DLST: variants seen among roughly 807,000 people sequenced by gnomAD.
The protein encoded by DLST is dihydrolipoyllysine-residue succinyltransferase component of 2-oxoglutarate dehydrogenase complex, mitochondrial.
Under a neutral mutation model 53.1 loss-of-function variants are expected in DLST, and 17 were observed. That is an observed-to-expected ratio of 0.32 (90% CI 0.22 to 0.48). The LOEUF (loss-of-function observed/expected upper bound fraction) is 0.48, where lower values mean the gene tolerates loss of function less well. DLST is among the 20% of genes least tolerant of loss of function. The pLI is 0.99. For synonymous variants in DLST, 206 were observed against 204.8 expected, an observed-to-expected ratio of 1.01 and a Z score of -0.05; for missense variants, 512 against 583.9, an observed-to-expected ratio of 0.88 and a Z score of 1.27.
chr14:74,900,519 T>C (rs1332567088), intron 13 of DLST, 147 bp downstream of exon 13: 5 of 662,018 alleles, frequency 7.6e-6, no homozygotes, highest in Non-Finnish European at 1.3e-5. Context: ...AAGTATTTTA[T>C]ATATCTGGTG....
intron 5 of DLST, 94 bp from the exon 6 acceptor site, chr14:74,889,803 A>C: frequency 2.5e-6 from 3 of 1,208,668 alleles, no homozygotes; most frequent in Non-Finnish European, 1.2e-6. Flanking sequence ...CCTGTAGGAA[A>C]GGGTTCTTAT....
intron 9 of DLST, among the ~76,000 whole-genome samples, 188 bp downstream of exon 9, chr14:74,893,612 C>T (rs1883982505): frequency 6.6e-6 from 1 of 152,200 alleles, no homozygotes; most frequent in South Asian, 2.1e-4. Context: ...AACCTGAGGT[C>T]TTCTGAACAC....
Position 74,893,496 on chromosome 14 carries a change from T to C in DLST, c.672+72T>C, listed in dbSNP as rs1353304308. The C allele has an allele frequency of 2.6e-6, 4 of 1,534,590 alleles. No homozygotes were observed. The African/African-American group carries it at 5.5e-5, about 21-fold the overall frequency. ...TGAGATTAGTGGAGTATGGGTGTGG[T>C]GATGCCTACCTTTGAATGCCTGGCA... On this transcript the variant is annotated intron_variant, in intron 9 of 14. Transcript: ENST00000334220.
At chr14:74,895,013 A>C (rs556538180) in intron 10 of DLST, among the ~76,000 whole-genome samples, 1 of 152,190 alleles carries the variant, frequency 6.6e-6, no homozygotes, top group East Asian at 1.9e-4. Context: ...GGATTGCTTG[A>C]GTCCAGGAGT....
In DLST at chr14:74,881,936, C is replaced by T. The variant is rs1005766540; in HGVS notation, c.-18C>T. On this transcript the variant is annotated 5_prime_UTR_variant, in exon 1 of 15. Transcript: ENST00000334220. ...GCCCTATATCCGGTGTCCGCCCGCC[C>T]TCGGCTCCTCCGCCGTGATGCTGTC... The T allele has an allele frequency of 5.9e-6, 9 of 1,535,626 alleles. No homozygotes were observed. Among genetic ancestry groups the T allele is most frequent in the East Asian group, 2.5e-5 (1 of 39,228 alleles).
intron 2 of DLST, among the ~76,000 whole-genome samples, chr14:74,884,549 A>G (rs1883639098): frequency 6.6e-6 from 1 of 152,204 alleles, no homozygotes; most frequent in African/African-American, 2.4e-5. Flanking sequence ...GAGACTGTAA[A>G]ATCAAAATGA....
intron 3 of DLST, among the ~76,000 whole-genome samples, chr14:74,886,994 G>C (rs758178867): frequency 1.3e-5 from 2 of 152,074 alleles, no homozygotes; most frequent in Non-Finnish European, 2.9e-5. Context: ...GCCCGACTCA[G>C]CCTCCCAAAG....
rs75439827 is a variant in DLST at position 74,896,470 on chromosome 14, A to G, written c.771-1899A>G. The stretch of plus-strand genomic sequence containing the variant: ...GGTTTAGTCTGCGAATCTACTTTTC[A>G]TTAGAGAAATTTGCTTTTCTTTGGA... On this transcript the variant is annotated intron_variant, in intron 10 of 14. Coordinates refer to ENST00000334220, the MANE Select transcript of DLST (RefSeq NM_001933.5). Among the ~76,000 whole-genome samples, 1,076 of 152,276 alleles carry G rather than the reference A, an allele frequency of 7.1e-3. 12 individuals carry two copies. The highest frequency in any genetic ancestry group is 0.023 in the African/African-American group (944 of 41,564).
chr14:74,883,261 C>T (rs1883593207), intron 2 of DLST, among the ~76,000 whole-genome samples: 1 of 149,498 alleles, frequency 6.7e-6, no homozygotes, highest in Non-Finnish European at 1.5e-5. Flanking sequence ...CGCCACTGCA[C>T]TCCAGCCTGG....
Position 74,893,443 on chromosome 14 carries a change from C to G in DLST, c.672+19C>G. The G allele has an allele frequency of 6.2e-7, 1 of 1,614,094 alleles. No individual in the cohort carries two copies. The highest frequency in any genetic ancestry group is 8.5e-7 in the Non-Finnish European group (1 of 1,179,928). ...ACATCGGGTAAGCCTCTGAGGACCA[C>G]TTTCAGGAAAGAGGCAGGGGGCAGT... On this transcript the variant is annotated intron_variant, in intron 9 of 14. Coordinates refer to ENST00000334220, the MANE Select transcript of DLST (RefSeq NM_001933.5).
intron 10 of DLST, among the ~76,000 whole-genome samples, chr14:74,896,788 CAT>C (rs1884088658): frequency 6.6e-6 from 1 of 152,202 alleles, no homozygotes; most frequent in Non-Finnish European, 1.5e-5. Flanking sequence ...TAAGACAAAA[CAT>C]GTAAATATTT....
Position 74,891,846 on chromosome 14 carries a change from G to A in DLST, c.442+679G>A, listed in dbSNP as rs1011234637. The A allele has an allele frequency of 3.0e-6, 3 of 985,304 alleles. No individual in the cohort carries two copies. In the African/African-American group the frequency reaches 5.2e-5, roughly 17 times the overall value. 61.0% of individuals were successfully genotyped at this position (985,304 alleles called of 1,614,324 possible). On this transcript the variant is annotated intron_variant, in intron 7 of 14. Transcript: ENST00000334220. ...AAGGCAGATAGACCGCATGATTGAGGTTAGTCAGGCAAGACCAGAAGCTCA... is the reference window on the plus strand; with the variant it reads ...AAGGCAGATAGACCGCATGATTGAGATTAGTCAGGCAAGACCAGAAGCTCA...
rs533108073 is a variant in DLST, at chr14:74,900,146, G to A, written c.976-143G>A. 1.3e-5 allele frequency: 14 copies of A among 1,075,162 alleles called. No individual in the cohort carries two copies. In the East Asian group the frequency reaches 1.4e-4, roughly 11 times the overall value. 66.6% of individuals were successfully genotyped at this position (1,075,162 alleles called of 1,614,324 possible). ...CCTTTTTTTTCTTTTAAACCATGCCGCATTCTTTTAACACTTTCTGTTAAT... is the reference window on the plus strand; with the variant it reads ...CCTTTTTTTTCTTTTAAACCATGCCACATTCTTTTAACACTTTCTGTTAAT... On this transcript the variant is annotated intron_variant, in intron 12 of 14. Transcript: ENST00000334220.
rs557256672 is a variant in DLST, at chr14:74,882,252, C to T, written c.63+236C>T. 7.2e-5 allele frequency among the ~76,000 whole-genome samples: 11 copies of T among 152,282 alleles called. No individual in the cohort carries two copies. In the East Asian group the frequency reaches 1.9e-3, roughly 27 times the overall value. On this transcript the variant is annotated intron_variant, in intron 1 of 14. Transcript: ENST00000334220. ...CTGCGGGGAACGTTTCCTGCTGTAC[C>T]CCACCCTCCGCGCGGGAGCTGGGGA...
chr14:74,889,755 G>C, intron 5 of DLST, 142 bp from the exon 6 acceptor site: 2 of 735,530 alleles, frequency 2.7e-6, no homozygotes, highest in Non-Finnish European at 4.6e-6. Context: ...AGAATTTATA[G>C]CTCTGCCGTT....
At chr14:74,893,279 G>C in intron 8 of DLST, 69 bp from the exon 9 acceptor site, 1 of 1,552,278 alleles carries the variant, frequency 6.4e-7, no homozygotes, top group South Asian at 1.1e-5. Context: ...ACATATGAAA[G>C]CACTGGCACA....
chr14:74,899,714 G>T (rs1002914882), intron 11 of DLST, among the ~76,000 whole-genome samples: 2 of 152,160 alleles, frequency 1.3e-5, no homozygotes, highest in African/African-American at 4.8e-5. Context: ...CCTATGCCCA[G>T]GCTCAGTCAG....
intron 2 of DLST, 65 bp from the exon 3 acceptor site, chr14:74,885,521 C>A: frequency 1.3e-6 from 2 of 1,546,538 alleles, no homozygotes; most frequent in South Asian, 1.1e-5. Flanking sequence ...AGACCTTTTC[C>A]ATTCCCAGCA....
At chr14:74,899,780 C>T (rs1884183492) in intron 11 of DLST, 143 bp from the exon 12 acceptor site, 4 of 610,326 alleles carry the variant, frequency 6.6e-6, no homozygotes, top group Non-Finnish European at 1.2e-5. Context: ...AGCTGCCATG[C>T]ATAATGCAGT....
Sources: gnomAD v4.1 joint callset for allele counts (sites outside exome capture counted in the v4.1 genomes callset) on GRCh38, gnomAD v4.1.1 for gene constraint, MANE v1.5 for transcripts, NCBI Gene and HGNC (gene_info 2026-07-23, HGNC 2026-07-21) for gene names.